TEX29: variants seen among roughly 807,000 people sequenced by gnomAD.
TEX29 encodes testis-expressed protein 29.
In TEX29, 26 loss-of-function variants were observed where a neutral mutation model predicts 18.2. That is an observed-to-expected ratio of 1.43 (90% CI 1.04 to 1.98). The LOEUF is 1.98. TEX29 is among the 30% of genes most tolerant of loss of function. TEX29 has a pLI of 0.00. For missense variants in TEX29, 177 were observed against 194.2 expected (o/e 0.91, Z 0.53); for synonymous variants, 83 against 78.5 (o/e 1.06, Z -0.31).
chr13:111,317,630 G>A (rs139187516), upstream of TEX29, among the ~76,000 whole-genome samples: 66 of 152,340 alleles, frequency 4.3e-4, no homozygotes, highest in East Asian at 0.011. Flanking sequence ...TCATCAACAC[G>A]GGCGTGTTTG....
intron 3 of TEX29, among the ~76,000 whole-genome samples, chr13:111,337,909 T>C (rs1016596027): frequency 6.6e-6 from 1 of 152,142 alleles, no homozygotes; most frequent in Non-Finnish European, 1.5e-5. Context: ...CACCATTCCT[T>C]ACTGAGGTCA....
chr13:111,325,980 T>C (rs1272431572), intron 2 of TEX29, among the ~76,000 whole-genome samples: 1 of 152,270 alleles, frequency 6.6e-6, no homozygotes, highest in East Asian at 1.9e-4. Context: ...CAGATGCCTC[T>C]GTGCTGCTGG....
At chr13:111,337,133 G>A (rs978904728) in intron 3 of TEX29, among the ~76,000 whole-genome samples, 1 of 152,174 alleles carries the variant, frequency 6.6e-6, no homozygotes, top group Non-Finnish European at 1.5e-5. Context: ...GATCGATTCT[G>A]TTTGTTGAAC....
At chr13:111,332,024 G>T (rs1463312704) in intron 3 of TEX29, among the ~76,000 whole-genome samples, 2 of 152,076 alleles carry the variant, frequency 1.3e-5, no homozygotes, top group Non-Finnish European at 2.9e-5. Flanking sequence ...GATTATTTTG[G>T]CTGTTATGGG....
At chr13:111,329,642 G>A (rs2093679678) in intron 3 of TEX29, among the ~76,000 whole-genome samples, 1 of 152,090 alleles carries the variant, frequency 6.6e-6, no homozygotes, top group Non-Finnish European at 1.5e-5. Flanking sequence ...TGAAGGGAAA[G>A]TGACTTTATT....
At chr13:111,335,037 A>G (rs774158819) in intron 3 of TEX29, among the ~76,000 whole-genome samples, 1 of 152,240 alleles carries the variant, frequency 6.6e-6, no homozygotes, top group Admixed American at 6.5e-5. Context: ...GCCTCAAACA[A>G]ACAGATTTCT....
At chr13:111,320,212 T>G (rs2093661507), upstream of TEX29, among the ~76,000 whole-genome samples, 1 of 152,088 alleles carries the variant, frequency 6.6e-6, no homozygotes, top group Non-Finnish European at 1.5e-5. Context: ...GTTTGCCTTC[T>G]CCCCACGGCC....
At chr13:111,319,098 C>T (rs1376830168), upstream of TEX29, among the ~76,000 whole-genome samples, 5 of 152,190 alleles carry the variant, frequency 3.3e-5, no homozygotes, top group Non-Finnish European at 4.4e-5. Context: ...GACCTCCTCA[C>T]CTTCCAAGGC....
At chr13:111,335,478 G>A (rs1012642228) in intron 3 of TEX29, among the ~76,000 whole-genome samples, 1 of 152,226 alleles carries the variant, frequency 6.6e-6, no homozygotes, top group African/African-American at 2.4e-5. Flanking sequence ...ACTTGGCCAT[G>A]GTTTGCTGCA....
upstream of TEX29, among the ~76,000 whole-genome samples, chr13:111,316,735 T>C (rs1450673905): frequency 1.3e-5 from 2 of 152,228 alleles, no homozygotes; most frequent in Non-Finnish European, 2.9e-5. Flanking sequence ...AAATTGATGC[T>C]GTTTTAATTT....
upstream of TEX29, among the ~76,000 whole-genome samples, chr13:111,317,328 C>T (rs535862768): frequency 2.0e-5 from 3 of 152,038 alleles, no homozygotes; most frequent in East Asian, 1.9e-4. Context: ...CATGCTGTGG[C>T]GAAGGATTTG....
upstream of TEX29, among the ~76,000 whole-genome samples, chr13:111,316,409 G>C (rs1431663140): frequency 6.6e-6 from 1 of 152,262 alleles, no homozygotes; most frequent in East Asian, 1.9e-4. Context: ...CCCATGCGCA[G>C]CTCCTCAGAT....
intron 2 of TEX29, among the ~76,000 whole-genome samples, 177 bp downstream of exon 2, chr13:111,321,125 C>G (rs564905709): frequency 6.6e-6 from 1 of 152,232 alleles, no homozygotes; most frequent in Non-Finnish European, 1.5e-5. Flanking sequence ...GCTGTGAAGA[C>G]TTCATTTTTG....
At chr13:111,336,898 A>T (rs1333682956) in intron 3 of TEX29, among the ~76,000 whole-genome samples, 1 of 152,242 alleles carries the variant, frequency 6.6e-6, no homozygotes, top group Non-Finnish European at 1.5e-5. Flanking sequence ...AGCACGTAGG[A>T]AGATACGGGA....
intron 2 of TEX29, 47 bp downstream of exon 2, chr13:111,320,995 T>TCCTGTGG: frequency 3.1e-6 from 1 of 320,864 alleles, no homozygotes; most frequent in Middle Eastern, 9.2e-4. Context: ...GGGGAGCAGT[T>TCCTGTGG]GGGGGGGGGC....
intron 2 of TEX29, among the ~76,000 whole-genome samples, chr13:111,325,789 T>C (rs2093671906): frequency 6.6e-6 from 1 of 152,186 alleles, no homozygotes. Context: ...ACTGAACTTT[T>C]AAAATGAGAA....
intron 5 of TEX29, among the ~76,000 whole-genome samples, chr13:111,343,263 C>T (rs979631556): frequency 2.0e-5 from 3 of 152,100 alleles, no homozygotes; most frequent in Non-Finnish European, 4.4e-5. Flanking sequence ...AGAAACTGCA[C>T]ATTTGATCAG....
chr13:111,330,781 C>T (rs1567161684), intron 3 of TEX29, among the ~76,000 whole-genome samples: 2 of 152,132 alleles, frequency 1.3e-5, no homozygotes, highest in African/African-American at 2.4e-5. Context: ...TATGGACTTC[C>T]GTATTATGGA....
chr13:111,339,712 G>A (rs2093694607), intron 3 of TEX29, 151 bp from the exon 4 acceptor site: 2 of 698,602 alleles, frequency 2.9e-6, no homozygotes, highest in Non-Finnish European at 5.0e-6. Context: ...GAGTCTCCAG[G>A]AGACGCTGGG....
Sources: allele counts gnomAD v4.1 joint callset (sites outside exome capture counted in the v4.1 genomes callset), GRCh38; gene constraint gnomAD v4.1.1; transcripts MANE v1.5; gene names NCBI Gene and HGNC (gene_info 2026-07-23, HGNC 2026-07-21).